The following TMEM165 variants were observed in gnomAD, a reference collection of about 807,000 sequenced individuals.
TMEM165 encodes putative divalent cation/proton antiporter TMEM165.
Under a neutral mutation model 30.0 loss-of-function variants are expected in TMEM165, and 19 were observed. The observed-to-expected ratio is 0.63, with a 90% CI of 0.44 to 0.93. The LOEUF is 0.93. TMEM165 is among the 40% of genes least tolerant of loss of function. TMEM165 has a pLI of 0.00. For missense variants in TMEM165, 340 were observed against 417.0 expected (o/e 0.82, Z 1.61); for synonymous variants, 168 against 162.9 (o/e 1.03, Z -0.24).
chr4:55,415,308 A>G (rs1441262872), intron 2 of TMEM165: 1 of 152,188 alleles, frequency 6.6e-6, no homozygotes, highest in Non-Finnish European at 1.5e-5. Flanking sequence ...TTTGCTGCTT[A>G]AATTATCCGA....
At chr4:55,420,893 T>C (rs2109559169) in intron 4 of TMEM165, among the ~76,000 whole-genome samples, 1 of 152,264 alleles carries the variant, frequency 6.6e-6, no homozygotes, top group East Asian at 1.9e-4. Flanking sequence ...CCCTGTCGTT[T>C]TGTTTTTTCT....
rs1252067051 is a variant in TMEM165 at position 55,401,384 on chromosome 4, T to C, written c.207+4988T>C. On this transcript the variant is annotated intron_variant, in intron 1 of 5. Coordinates refer to ENST00000381334, the MANE Select transcript of TMEM165 (RefSeq NM_018475.5). ...CTCTTTCCCTGGACAGAATATGTAATATAAGAAACATAAGTCCTTTGAGTT... is the reference window on the plus strand; with the variant it reads ...CTCTTTCCCTGGACAGAATATGTAACATAAGAAACATAAGTCCTTTGAGTT... Among the ~76,000 whole-genome samples the C allele has an allele frequency of 2.0e-5, 3 of 150,716 alleles. 1 individual carries two copies. The highest frequency in any genetic ancestry group is 7.5e-5 in the African/African-American group (3 of 40,024).
chr4:55,431,707 CAGAAAG>C (rs1249383629), intron 3 of TMEM165: 3 of 151,926 alleles, frequency 2.0e-5, no homozygotes, highest in Admixed American at 6.5e-5. Flanking sequence ...ACCAAAGAAA[CAGAAAG>C]AAAAAAGCAG....
intron 1 of TMEM165, among the ~76,000 whole-genome samples, chr4:55,401,215 A>G (rs1447400688): frequency 6.6e-6 from 1 of 150,680 alleles, no homozygotes; most frequent in African/African-American, 2.5e-5. Context: ...AATTAGGCTA[A>G]AAAAAGGTTG....
rs869107499 is a variant in TMEM165, at chr4:55,402,403, G to GTA, written c.207+6037_207+6038dup. 7.9e-3 allele frequency among the ~76,000 whole-genome samples: 380 copies of GTA among 48,058 alleles called. 3 individuals are homozygous for GTA. Among genetic ancestry groups the GTA allele is most frequent in the Non-Finnish European group, 0.011 (309 of 29,268 alleles). The allele number at this position is 48,058 out of a possible 152,430, so 31.5% of individuals were successfully genotyped here. On this transcript the variant is annotated intron_variant, in intron 1 of 5. Transcript: ENST00000381334. ...TAAGTGCGTGCGTGTGTGTGTGTGT[G>GTA]TATATATATATATATATATATATAT...
intron 2 of TMEM165, among the ~76,000 whole-genome samples, chr4:55,416,442 A>G (rs1439501152): frequency 1.3e-5 from 2 of 152,334 alleles, no homozygotes; most frequent in East Asian, 3.9e-4. Context: ...TATAACTTAC[A>G]CAGATGTCTT....
downstream of TMEM165, among the ~76,000 whole-genome samples, chr4:55,426,580 T>A (rs1477441996): frequency 6.6e-6 from 1 of 152,260 alleles, no homozygotes; most frequent in Non-Finnish European, 1.5e-5. Context: ...TAGAATCATA[T>A]GCAGTAACAT....
intron 1 of TMEM165, among the ~76,000 whole-genome samples, chr4:55,409,597 G>A (rs1469585812): frequency 1.3e-5 from 2 of 152,112 alleles, no homozygotes; most frequent in South Asian, 2.1e-4. Context: ...GTTTAGCAGC[G>A]TTTCTGGCCT....
intron 3 of TMEM165, chr4:55,448,658 C>T: frequency 3.1e-6 from 2 of 654,830 alleles, no homozygotes; most frequent in South Asian, 1.6e-5. Flanking sequence ...CTACCTCAGC[C>T]TCCCAAGTAG....
At chr4:55,426,793 T>TAA (rs1449331724), downstream of TMEM165, among the ~76,000 whole-genome samples, 3 of 152,198 alleles carry the variant, frequency 2.0e-5, no homozygotes, top group African/African-American at 7.2e-5. Context: ...TCCTACATGG[T>TAA]AACTCTGTGA....
chr4:55,429,083 C>T (rs1022534174), downstream of TMEM165: 3 of 148,512 alleles, frequency 2.0e-5, no homozygotes, highest in African/African-American at 7.4e-5. Flanking sequence ...CTTATTTTAA[C>T]TTAACTACTG....
Position 55,452,848 on chromosome 4 carries a change from G to C in TMEM165, c.*542G>C, listed in dbSNP as rs1206801580. 1.1e-5 allele frequency: 5 copies of C among 463,042 alleles called. No individual in the cohort carries two copies. The East Asian group carries it at 1.5e-4, about 14-fold the overall frequency. 28.7% of individuals were successfully genotyped at this position (463,042 alleles called of 1,614,324 possible). ...GGAATAAATGGTAGTTTTGAGATCAGACACATCTCTCATCCAATTTTCTTT... is the reference window on the plus strand; with the variant it reads ...GGAATAAATGGTAGTTTTGAGATCACACACATCTCTCATCCAATTTTCTTT... On this transcript the variant is annotated 3_prime_UTR_variant, in exon 4 of 4. Transcript: ENST00000608091.
At chr4:55,413,848 A>C (rs374919865) in intron 2 of TMEM165, among the ~76,000 whole-genome samples, 1 of 152,358 alleles carries the variant, frequency 6.6e-6, no homozygotes, top group Non-Finnish European at 1.5e-5. Flanking sequence ...ATATACATAC[A>C]TTATTTATAA....
intron 3 of TMEM165, chr4:55,435,449 CTG>C: frequency 6.2e-7 from 1 of 1,614,024 alleles, no homozygotes; most frequent in Middle Eastern, 1.7e-4. Flanking sequence ...GTCGGGCAAG[CTG>C]TCAGTCCTGT....
chr4:55,414,067 G>A (rs1721624561), intron 2 of TMEM165, among the ~76,000 whole-genome samples: 1 of 152,114 alleles, frequency 6.6e-6, no homozygotes, highest in Non-Finnish European at 1.5e-5. Flanking sequence ...AGGAGATCGA[G>A]GCCATCCTGG....
At position 55,396,129 on chromosome 4, in the gene TMEM165, G is replaced by A; in HGVS notation, c.-61G>A. 1 of 1,297,940 alleles carries A rather than the reference G, an allele frequency of 7.7e-7. No homozygotes were observed. The highest frequency in any genetic ancestry group is 9.7e-7 in the Non-Finnish European group (1 of 1,026,672). 80.4% of individuals were successfully genotyped at this position (1,297,940 alleles called of 1,614,324 possible). ...CGCCGCGGAGGCTGTTCGGGGTCGA[G>A]GCTTCCCGTCGCCGGCACTTCCTCT... On this transcript the variant is annotated 5_prime_UTR_variant, in exon 1 of 6. Transcript: ENST00000381334.
rs186668389 is a variant in TMEM165, at chr4:55,444,007, A to C, written c.409-8232A>C. ...AAGTATGTTTAAAAAGCAAGTAACA[A>C]GGCTAAGTCACTTTGAAGAATTAGC... On this transcript the variant is annotated intron_variant, in intron 3 of 3. Transcript: ENST00000608091. 2.1e-5 allele frequency: 18 copies of C among 855,030 alleles called. No individual in the cohort carries two copies. The African/African-American group carries it at 2.7e-4, about 13-fold the overall frequency. The allele number at this position is 855,030 out of a possible 1,614,324, so 53.0% of individuals were successfully genotyped here. A position where few individuals can be genotyped will look rare whatever the true frequency, so the allele number is the denominator to read the frequency against.
At chr4:55,439,114 C>G (rs1185491220) in intron 3 of TMEM165, among the ~76,000 whole-genome samples, 1 of 152,122 alleles carries the variant, frequency 6.6e-6, no homozygotes, top group Non-Finnish European at 1.5e-5. Context: ...GCATATCATC[C>G]TTCTGATAAG....
At position 55,438,535 on chromosome 4, in the gene TMEM165, A is replaced by C. The variant is rs1178386174; in HGVS notation, c.409-13704A>C. ...GGTCACAAGTTGTTGACCTTGAGAA[A>C]ATCTGTTAGAAGAAAGAAGGAAAAA... On this transcript the variant is annotated intron_variant, in intron 3 of 3. Transcript: ENST00000608091. The C allele has an allele frequency of 6.2e-6, 10 of 1,613,098 alleles. No homozygotes were observed. In the Admixed American group the frequency reaches 1.7e-4, roughly 27 times the overall value.
Sources: gnomAD v4.1 joint callset for allele counts (sites outside exome capture counted in the v4.1 genomes callset) on GRCh38, gnomAD v4.1.1 for gene constraint, MANE v1.5 for transcripts, NCBI Gene and HGNC (gene_info 2026-07-23, HGNC 2026-07-21) for gene names.